The following FOXP1 variants were observed in gnomAD, a reference collection of about 807,000 sequenced individuals.
The protein encoded by FOXP1 is forkhead box P1, also known as forkhead box protein P1.
In FOXP1, 15 loss-of-function variants were observed where a neutral mutation model predicts 98.2. The observed-to-expected ratio is 0.15, with a 90% CI of 0.10 to 0.24. The LOEUF (loss-of-function observed/expected upper bound fraction) is 0.24, where lower values mean the gene tolerates loss of function less well. FOXP1 is among the 10% of genes least tolerant of loss of function. FOXP1 has a pLI of 1.00. For synonymous variants in FOXP1, 371 were observed against 314.5 expected (o/e 1.18, Z -1.90); for missense variants, 633 against 848.5 (o/e 0.75, Z 3.15).
At chr3:70,978,450 G>A (rs1014682643) in intron 14 of FOXP1, among the ~76,000 whole-genome samples, 4 of 152,142 alleles carry the variant, frequency 2.6e-5, no homozygotes, top group African/African-American at 9.7e-5. Context: ...GTTGGGATAC[G>A]CTGGTGTAGA....
chr3:71,172,879 C>G (rs1242401962), intron 6 of FOXP1, among the ~76,000 whole-genome samples: 3 of 152,162 alleles, frequency 2.0e-5, no homozygotes, highest in African/African-American at 7.2e-5. Flanking sequence ...TTGTCTCAAA[C>G]TGAGTCTGAT....
intron 11 of FOXP1, among the ~76,000 whole-genome samples, chr3:71,020,143 T>A (rs1012870405): frequency 7.2e-5 from 11 of 152,178 alleles, no homozygotes; most frequent in Non-Finnish European, 1.3e-4. Flanking sequence ...CTCTTGATAA[T>A]CCTTGATATG....
intron 7 of FOXP1, among the ~76,000 whole-genome samples, chr3:71,083,067 C>G (rs1191084424): frequency 6.6e-6 from 1 of 152,142 alleles, no homozygotes; most frequent in East Asian, 1.9e-4. Context: ...TGCTAGGTCC[C>G]ACTGATATAG....
At chr3:71,421,238 C>A (rs765090415) in intron 3 of FOXP1, among the ~76,000 whole-genome samples, 3 of 152,098 alleles carry the variant, frequency 2.0e-5, no homozygotes, top group Non-Finnish European at 2.9e-5. Context: ...AAAGAAACTA[C>A]AGGGGAAAGT....
chr3:70,970,445 T>C (rs2035965705), intron 19 of FOXP1: 2 of 436,782 alleles, frequency 4.6e-6, no homozygotes, highest in Non-Finnish European at 8.5e-6. Flanking sequence ...GTGGTATTTT[T>C]GCCTCAAGTG....
At chr3:71,206,267 C>G (rs1314529695) in intron 5 of FOXP1, among the ~76,000 whole-genome samples, 1 of 152,170 alleles carries the variant, frequency 6.6e-6, no homozygotes, top group African/African-American at 2.4e-5. Context: ...TACTCTATTT[C>G]CTGTACACTT....
chr3:71,226,548 TTCTCTCTC>T (rs10701218), intron 5 of FOXP1, among the ~76,000 whole-genome samples: 7 of 146,166 alleles, frequency 4.8e-5, no homozygotes, highest in Non-Finnish European at 4.5e-5. Flanking sequence ...CTTCCCGGGG[TTCTCTCTC>T]TCTCTCTCTC....
chr3:71,534,750 T>C lies in FOXP1; in HGVS notation c.-297-41195A>G, dbSNP rs539102692. 3.9e-5 allele frequency among the ~76,000 whole-genome samples: 6 copies of C among 152,314 alleles called. No homozygotes were observed. The South Asian group carries it at 1.2e-3, about 32-fold the overall frequency. On this transcript the variant is annotated intron_variant, in intron 2 of 20. Transcript: ENST00000649528. ...TATGCAGACCCTGGAAAACACTCTATTTAAGGGCTCACCACAGCCAGGGAC... is the reference window on the plus strand; with the variant it reads ...TATGCAGACCCTGGAAAACACTCTACTTAAGGGCTCACCACAGCCAGGGAC...
Position 71,494,926 on chromosome 3 carries a change from A to G in FOXP1, c.-297-1371T>C, listed in dbSNP as rs191656486. 1.4e-3 allele frequency among the ~76,000 whole-genome samples: 213 copies of G among 152,186 alleles called. 6 individuals are homozygous for G. The highest frequency in any genetic ancestry group is 0.012 in the Admixed American group (181 of 15,302). The stretch of plus-strand genomic sequence containing the variant: ...AAGTCTATGTCACATAGAAAAAAAA[A>G]AAAAGAAAAGAAAAAAGAAAAAGAA... On this transcript the variant is annotated intron_variant, in intron 2 of 20. Transcript: ENST00000649528.
chr3:71,565,578 A>T (rs2046848620), intron 2 of FOXP1, among the ~76,000 whole-genome samples: 1 of 152,228 alleles, frequency 6.6e-6, no homozygotes, highest in African/African-American at 2.4e-5. Flanking sequence ...AGAAAGAAAA[A>T]GCGGCAGCTT....
At chr3:71,236,843 A>G (rs967394319) in intron 5 of FOXP1, among the ~76,000 whole-genome samples, 2 of 151,954 alleles carry the variant, frequency 1.3e-5, no homozygotes, top group Non-Finnish European at 2.9e-5. Context: ...ACTGCACTCC[A>G]GCCTGAGTGA....
chr3:71,095,362 T>A (rs1221795888), intron 7 of FOXP1, among the ~76,000 whole-genome samples: 2 of 152,170 alleles, frequency 1.3e-5, no homozygotes, highest in African/African-American at 4.8e-5. Flanking sequence ...TCATGGAACA[T>A]GCTGTAGTAA....
chr3:71,400,849 G>T (rs2081914482), intron 3 of FOXP1, among the ~76,000 whole-genome samples: 1 of 152,094 alleles, frequency 6.6e-6, no homozygotes, highest in African/African-American at 2.4e-5. Context: ...TTTTGAGGAA[G>T]AATTAGAAAA....
intron 2 of FOXP1, among the ~76,000 whole-genome samples, chr3:71,512,575 C>A (rs1283282542): frequency 6.6e-6 from 1 of 152,198 alleles, no homozygotes; most frequent in African/African-American, 2.4e-5. Context: ...TAGTCCTCTT[C>A]TTTCTACAAT....
chr3:71,491,827 C>T (rs1030746607), intron 3 of FOXP1, among the ~76,000 whole-genome samples: 2 of 152,150 alleles, frequency 1.3e-5, no homozygotes, highest in African/African-American at 4.8e-5. Flanking sequence ...AAGGATTTGT[C>T]AAAATGACCT....
intron 3 of FOXP1, among the ~76,000 whole-genome samples, chr3:71,439,710 G>A (rs1022342047): frequency 5.9e-5 from 9 of 152,192 alleles, no homozygotes; most frequent in South Asian, 4.1e-4. Flanking sequence ...TTGGGAGGCC[G>A]AGGTAGGCAG....
At chr3:71,107,996 T>C (rs2057583284) in intron 7 of FOXP1, among the ~76,000 whole-genome samples, 1 of 152,178 alleles carries the variant, frequency 6.6e-6, no homozygotes. Context: ...TCACTTTCCC[T>C]GCAGTGAAAT....
intron 7 of FOXP1, among the ~76,000 whole-genome samples, chr3:71,096,063 C>G (rs1384561148): frequency 1.3e-5 from 2 of 152,160 alleles, no homozygotes; most frequent in African/African-American, 4.8e-5. Flanking sequence ...TAAATTTACA[C>G]AAAGGCAAAA....
rs1390377788 is a variant in FOXP1, at chr3:71,146,930, G to A, written c.181-34293C>T. Reference sequence around the variant, plus strand: ...GTTAAGCCATCCATCACCAGCGAGCGCTGCTCTACTTGCTGGCGCCCAGTG... The same window carrying A: ...GTTAAGCCATCCATCACCAGCGAGCACTGCTCTACTTGCTGGCGCCCAGTG... On this transcript the variant is annotated intron_variant, in intron 6 of 20. Transcript: ENST00000649528. 3.3e-5 allele frequency among the ~76,000 whole-genome samples: 5 copies of A among 152,324 alleles called. No individual in the cohort carries two copies. In the South Asian group the frequency reaches 6.2e-4, roughly 19 times the overall value.
Sources: allele counts gnomAD v4.1 joint callset (sites outside exome capture counted in the v4.1 genomes callset), GRCh38; gene constraint gnomAD v4.1.1; transcripts MANE v1.5; gene names NCBI Gene and HGNC (gene_info 2026-07-23, HGNC 2026-07-21).